The following EYS variants were observed in gnomAD, a reference collection of about 807,000 sequenced individuals.
The protein encoded by EYS is protein eyes shut homolog.
EYS carries 250 observed loss-of-function variants against 282.1 expected under a neutral mutation model. The observed-to-expected ratio is 0.89, with a 90% CI of 0.80 to 0.98. The LOEUF is 0.98. EYS is among the 50% of genes least tolerant of loss of function. EYS has a pLI of 0.00. For missense variants in EYS, 4,016 were observed against 3,709.0 expected, an observed-to-expected ratio of 1.08 and a Z score of -2.15; for synonymous variants, 1,355 against 1,282.9, an observed-to-expected ratio of 1.06 and a Z score of -1.20.
At chr6:65,463,167 G>A (rs552232504) in intron 5 of EYS, among the ~76,000 whole-genome samples, 1 of 152,112 alleles carries the variant, frequency 6.6e-6, no homozygotes, top group African/African-American at 2.4e-5. Flanking sequence ...CTTTCAGATG[G>A]TCTCTGAGGT....
chr6:65,665,066 G>A (rs1582579670), intron 1 of EYS, among the ~76,000 whole-genome samples: 1 of 152,132 alleles, frequency 6.6e-6, no homozygotes, highest in African/African-American at 2.4e-5. Flanking sequence ...TTAGACATCA[G>A]CTTTCTTTGA....
At chr6:65,155,725 T>A (rs958032705) in intron 12 of EYS, among the ~76,000 whole-genome samples, 2 of 151,538 alleles carry the variant, frequency 1.3e-5, no homozygotes, top group Non-Finnish European at 1.5e-5. Context: ...GAAAGTTGTC[T>A]ATTATGTAAA....
chr6:65,455,474 T>A (rs1226573930), intron 5 of EYS, among the ~76,000 whole-genome samples: 2 of 151,614 alleles, frequency 1.3e-5, no homozygotes. Context: ...AAATAAAGAG[T>A]TGGATGACTG....
intron 31 of EYS, among the ~76,000 whole-genome samples, chr6:64,096,791 G>C (rs1221253233): frequency 6.6e-6 from 1 of 152,186 alleles, no homozygotes; most frequent in Non-Finnish European, 1.5e-5. Flanking sequence ...TCCGTTGCTG[G>C]TGACGAGCTG....
intron 22 of EYS, among the ~76,000 whole-genome samples, chr6:64,642,842 G>A (rs866723738): frequency 2.6e-5 from 4 of 152,226 alleles, no homozygotes; most frequent in Non-Finnish European, 4.4e-5. Flanking sequence ...TGGGCCAGGT[G>A]CGGTGGCTCA....
chr6:65,211,755 A>G (rs984221588), intron 12 of EYS, among the ~76,000 whole-genome samples: 1 of 151,998 alleles, frequency 6.6e-6, no homozygotes, highest in African/African-American at 2.4e-5. Context: ...AAAAGCCCCT[A>G]TAGCTATCCA....
chr6:65,305,926 T>C (rs1768992113), intron 11 of EYS, among the ~76,000 whole-genome samples: 1 of 152,190 alleles, frequency 6.6e-6, no homozygotes, highest in African/African-American at 2.4e-5. Flanking sequence ...AGCAGTACAC[T>C]GAATTGTACT....
intron 5 of EYS, among the ~76,000 whole-genome samples, chr6:65,424,434 G>C (rs1327115684): frequency 6.6e-6 from 1 of 151,532 alleles, no homozygotes; most frequent in African/African-American, 2.4e-5. Flanking sequence ...TGCTTCCTTT[G>C]TTACTTCCTT....
At chr6:64,942,899 G>A (rs936530133) in intron 15 of EYS, among the ~76,000 whole-genome samples, 1 of 148,282 alleles carries the variant, frequency 6.7e-6, no homozygotes, top group Non-Finnish European at 1.5e-5. Flanking sequence ...CAGTATTATC[G>A]AGATACCAAA....
At chr6:64,726,319 C>CA (rs1438506800) in intron 22 of EYS, among the ~76,000 whole-genome samples, 6 of 152,066 alleles carry the variant, frequency 3.9e-5, no homozygotes, top group African/African-American at 1.4e-4. Flanking sequence ...TTCTGGAGGG[C>CA]AAAGAATATC....
intron 23 of EYS, among the ~76,000 whole-genome samples, chr6:64,619,886 A>G (rs898937739): frequency 6.6e-6 from 1 of 152,150 alleles, no homozygotes; most frequent in Non-Finnish European, 1.5e-5. Context: ...AGAGACAGAG[A>G]AATAATTTAC....
chr6:65,090,673 A>T (rs190617459), intron 12 of EYS, among the ~76,000 whole-genome samples: 47 of 152,292 alleles, frequency 3.1e-4, no homozygotes, highest in Middle Eastern at 3.4e-3. Context: ...CCAGTGTGTC[A>T]TAAATCCCAA....
At chr6:64,680,045 A>T (rs1258851273) in intron 22 of EYS, among the ~76,000 whole-genome samples, 3 of 152,188 alleles carry the variant, frequency 2.0e-5, no homozygotes, top group Non-Finnish European at 4.4e-5. Flanking sequence ...CTTTTTTTGC[A>T]TTAAAATAAA....
intron 1 of EYS, among the ~76,000 whole-genome samples, chr6:65,695,977 G>A (rs543258453): frequency 4.6e-5 from 7 of 151,936 alleles, no homozygotes; most frequent in South Asian, 4.1e-4. Context: ...TTCTAAAGCC[G>A]TATGAAATCC....
chr6:64,773,926 T>G (rs556788969), intron 22 of EYS, among the ~76,000 whole-genome samples: 1 of 152,028 alleles, frequency 6.6e-6, no homozygotes, highest in South Asian at 2.1e-4. Context: ...CAGAAGCTCT[T>G]TAGTTTAATT....
chr6:65,352,749 G>A lies in EYS; in HGVS notation c.1459+709C>T, dbSNP rs1362968648. ...GTTTCTCTACTTGTTATAAACTTAT[G>A]GAATGTGTCAAAACCTATAGTAATT... On this transcript the variant is annotated intron_variant, in intron 9 of 42. Coordinates refer to ENST00000503581, the MANE Select transcript of EYS (RefSeq NM_001142800.2). Among the ~76,000 whole-genome samples the A allele has an allele frequency of 2.0e-5, 3 of 151,762 alleles. No individual in the cohort carries two copies. The East Asian group carries it at 5.8e-4, about 29-fold the overall frequency.
intron 12 of EYS, among the ~76,000 whole-genome samples, chr6:65,219,156 A>T (rs1766394469): frequency 6.6e-6 from 1 of 152,186 alleles, no homozygotes; most frequent in Non-Finnish European, 1.5e-5. Flanking sequence ...TGGCATTTAA[A>T]TCAAGAAACA....
intron 31 of EYS, among the ~76,000 whole-genome samples, chr6:64,134,689 G>A (rs1470604998): frequency 6.6e-6 from 1 of 151,958 alleles, no homozygotes; most frequent in Non-Finnish European, 1.5e-5. Context: ...GCAAATATGA[G>A]AAAATGGGAA....
chr6:63,752,044 GA>G (rs1769351623), intron 41 of EYS, among the ~76,000 whole-genome samples: 2 of 152,160 alleles, frequency 1.3e-5, no homozygotes, highest in Non-Finnish European at 2.9e-5. Flanking sequence ...CATGTTTTGT[GA>G]AGCACAATTT....
Sources: gnomAD v4.1 joint callset for allele counts (sites outside exome capture counted in the v4.1 genomes callset) on GRCh38, gnomAD v4.1.1 for gene constraint, MANE v1.5 for transcripts, NCBI Gene and HGNC (gene_info 2026-07-23, HGNC 2026-07-21) for gene names.